The following BPIFC variants were observed in gnomAD, a reference collection of about 807,000 sequenced individuals.
BPIFC encodes the protein BPI fold containing family C, also known as BPI fold-containing family C protein.
A neutral mutation model predicts 57.6 loss-of-function variants in BPIFC; 60 were observed. The ratio of observed to expected loss-of-function variants is 1.04; its 90% CI spans 0.85 to 1.29. The LOEUF is 1.29. Ranked by LOEUF, BPIFC falls within the 50% of genes most tolerant of loss-of-function variation. BPIFC has a pLI of 0.00. For missense variants in BPIFC, 581 were observed against 600.5 expected, an observed-to-expected ratio of 0.97 and a Z score of 0.34; for synonymous variants, 243 against 224.5, an observed-to-expected ratio of 1.08 and a Z score of -0.74.
intron 3 of BPIFC, among the ~76,000 whole-genome samples, chr22:32,454,944 C>T (rs559572485): frequency 3.3e-5 from 5 of 151,972 alleles, no homozygotes; most frequent in Admixed American, 2.6e-4. Context: ...CTTGTTGGGC[C>T]ATATTTGCTA....
chr22:32,416,473 T>C (rs543832513), intron 15 of BPIFC, among the ~76,000 whole-genome samples: 105 of 152,352 alleles, frequency 6.9e-4, no homozygotes, highest in African/African-American at 2.4e-3. Flanking sequence ...CCTGGAAGAA[T>C]TGCTCATTAA....
At chr22:32,446,902 G>T in intron 5 of BPIFC, 1 of 713,942 alleles carries the variant, frequency 1.4e-6, no homozygotes, top group Non-Finnish European at 1.7e-6. Context: ...AGATCATGCA[G>T]TGATTTGTGG....
At chr22:32,460,799 T>A (rs1036250494) in intron 2 of BPIFC, among the ~76,000 whole-genome samples, 7 of 152,252 alleles carry the variant, frequency 4.6e-5, no homozygotes, top group African/African-American at 1.7e-4. Context: ...TTCTGGCTTA[T>A]GATTTGCCTT....
intron 13 of BPIFC, among the ~76,000 whole-genome samples, chr22:32,425,017 G>T (rs1283494885): frequency 1.3e-5 from 2 of 151,988 alleles, no homozygotes; most frequent in African/African-American, 4.8e-5. Flanking sequence ...CCTGACCTCA[G>T]ATGATTCACC....
At chr22:32,446,955 A>G in intron 5 of BPIFC, 1 of 419,710 alleles carries the variant, frequency 2.4e-6, no homozygotes. Flanking sequence ...TCTGATAGTC[A>G]GGGACTTCTA....
intron 10 of BPIFC, among the ~76,000 whole-genome samples, chr22:32,434,434 A>G (rs1934337127): frequency 6.7e-6 from 1 of 149,148 alleles, no homozygotes; most frequent in African/African-American, 2.4e-5. Flanking sequence ...CAATCTATGT[A>G]TACATATTAT....
intron 13 of BPIFC, among the ~76,000 whole-genome samples, chr22:32,420,591 A>G (rs1933819876): frequency 2.0e-5 from 3 of 152,190 alleles, no homozygotes; most frequent in Admixed American, 2.0e-4. Flanking sequence ...AACTCTGTAG[A>G]TTTACTTAAT....
At chr22:32,427,859 C>G (rs532945125) in intron 13 of BPIFC, among the ~76,000 whole-genome samples, 1 of 152,284 alleles carries the variant, frequency 6.6e-6, no homozygotes, top group African/African-American at 2.4e-5. Flanking sequence ...TGGTGGCGTG[C>G]GCCTGTAGTC....
chr22:32,417,558 C>A (rs1046783508), intron 14 of BPIFC, among the ~76,000 whole-genome samples: 18 of 152,128 alleles, frequency 1.2e-4, no homozygotes, highest in African/African-American at 3.6e-4. Flanking sequence ...TAACTAGGAT[C>A]TTTTCAGAGG....
chr22:32,417,908 C>T (rs555302953), intron 14 of BPIFC, among the ~76,000 whole-genome samples: 1 of 151,320 alleles, frequency 6.6e-6, no homozygotes, highest in Non-Finnish European at 1.5e-5. Context: ...CTCACTCTGT[C>T]GCCCAGGCTG....
intron 2 of BPIFC, among the ~76,000 whole-genome samples, chr22:32,457,606 C>T (rs2145968633): frequency 6.6e-6 from 1 of 152,140 alleles, no homozygotes; most frequent in Admixed American, 6.5e-5. Context: ...TCCATGCGCT[C>T]TCCCACCCAT....
chr22:32,446,763 T>G (rs1380549401), intron 5 of BPIFC: 1 of 985,270 alleles, frequency 1.0e-6, no homozygotes. Context: ...TACACGAGGG[T>G]GCAAAGGCCT....
chr22:32,447,128 C>A, intron 5 of BPIFC, 84 bp downstream of exon 5: 2 of 1,424,388 alleles, frequency 1.4e-6, no homozygotes, highest in South Asian at 1.7e-5. Flanking sequence ...AGCCTATTGC[C>A]AAAAACATTG....
chr22:32,457,205 G>A lies in BPIFC; in HGVS notation c.124+58C>T, dbSNP rs1456678197. ...GCCCATGTTATGAGCTGTTCAGTTT[G>A]GGTCACAGACCCCACCTAGTGGGCC... On this transcript the variant is annotated intron_variant, in intron 3 of 16. Transcript: ENST00000300399. The A allele has an allele frequency of 1.9e-6, 3 of 1,551,128 alleles. No homozygotes were observed. The Admixed American group carries it at 6.8e-5, about 35-fold the overall frequency.
rs560915048 is a variant in BPIFC, at chr22:32,416,019, A to G, written c.1325-28T>C. 22 of 1,462,686 alleles carry G rather than the reference A, an allele frequency of 1.5e-5. No homozygotes were observed. The East Asian group carries it at 5.1e-4, about 34-fold the overall frequency. 90.6% of individuals were successfully genotyped at this position (1,462,686 alleles called of 1,614,324 possible). The stretch of plus-strand genomic sequence containing the variant: ...AAAATATAGAACAAGACGTAAAACA[A>G]TTGGGCACAAGCACAGAGGTTTTAG... On this transcript the variant is annotated intron_variant, in intron 15 of 16. Coordinates refer to ENST00000300399, the MANE Select transcript of BPIFC (RefSeq NM_174932.3).
chr22:32,417,249 C>G lies in BPIFC; in HGVS notation c.1261-101G>C, dbSNP rs1933708771. 6 of 807,488 alleles carry G rather than the reference C, an allele frequency of 7.4e-6. No homozygotes were observed. In the South Asian group the frequency reaches 9.4e-5, roughly 13 times the overall value. The allele number at this position is 807,488 out of a possible 1,614,324, so 50.0% of individuals were successfully genotyped here. ...GGAGTGCAGTAGTGTGATCATGGCT[C>G]TCTCCAGCCTCGAACTCCTGGGCTC... On this transcript the variant is annotated intron_variant, in intron 14 of 16. Coordinates refer to ENST00000300399, the MANE Select transcript of BPIFC (RefSeq NM_174932.3).
At chr22:32,442,629 G>A (rs745827268) in intron 8 of BPIFC, 42 bp downstream of exon 8, 106 of 1,581,856 alleles carry the variant, frequency 6.7e-5, no homozygotes, top group Admixed American at 3.0e-4. Context: ...GCTTTTGAAG[G>A]TAGGAAGACA....
intron 4 of BPIFC, 29 bp from the exon 5 acceptor site, chr22:32,447,369 C>T (rs1327784679): frequency 6.2e-6 from 10 of 1,603,428 alleles, no homozygotes; most frequent in South Asian, 1.1e-5. Context: ...GAAGTTAGGG[C>T]GACTCTTCCA....
chr22:32,453,772 G>GA (rs1248919351), intron 3 of BPIFC, among the ~76,000 whole-genome samples: 1 of 152,130 alleles, frequency 6.6e-6, no homozygotes, highest in Non-Finnish European at 1.5e-5. Context: ...ACAGAACAGT[G>GA]TGAGAAGAAA....
Sources: gnomAD v4.1 joint callset for allele counts (sites outside exome capture counted in the v4.1 genomes callset) on GRCh38, gnomAD v4.1.1 for gene constraint, MANE v1.5 for transcripts, NCBI Gene and HGNC (gene_info 2026-07-23, HGNC 2026-07-21) for gene names.